Variants in TRPC5 observed in about 807,000 individuals in gnomAD.
The protein encoded by TRPC5 is transient receptor potential cation channel subfamily C member 5.
A neutral mutation model predicts 56.5 loss-of-function variants in TRPC5; 9 were observed. The ratio of observed to expected loss-of-function variants is 0.16; its 90% CI spans 0.10 to 0.28. The LOEUF is 0.28. Among genes scored for constraint, TRPC5 ranks in the 10% least tolerant of loss-of-function variants. TRPC5 has a pLI of 1.00. For missense variants in TRPC5, 469 were observed against 748.9 expected, an observed-to-expected ratio of 0.63 and a Z score of 4.36; for synonymous variants, 282 against 278.5, an observed-to-expected ratio of 1.01 and a Z score of -0.13.
At chrX:112,022,701 G>A (rs767235895) in intron 1 of TRPC5, among the ~76,000 whole-genome samples, 6 of 111,991 alleles carry the variant, frequency 5.4e-5, no homozygotes, top group East Asian at 5.6e-4. Flanking sequence ...AAGAAAATTC[G>A]ACTGGTAATG....
intron 1 of TRPC5, among the ~76,000 whole-genome samples, chrX:111,971,243 C>G (rs1927777076): frequency 9.0e-6 from 1 of 111,672 alleles, no homozygotes; most frequent in African/African-American, 3.3e-5. Flanking sequence ...GGGTTAGATA[C>G]AGCACCAAAG....
intron 1 of TRPC5, among the ~76,000 whole-genome samples, chrX:112,053,457 T>A (rs771884237): frequency 1.8e-5 from 2 of 111,994 alleles, no homozygotes; most frequent in African/African-American, 3.3e-5. Flanking sequence ...ACTTGGTCTG[T>A]AGTTAGTGTT....
intron 1 of TRPC5, among the ~76,000 whole-genome samples, chrX:111,989,553 T>C (rs1459802099): frequency 8.9e-6 from 1 of 112,086 alleles, no homozygotes. Context: ...GCCTAACTCA[T>C]TCAAGATAAC....
chrX:111,985,414 T>G (rs1017022025), intron 1 of TRPC5, among the ~76,000 whole-genome samples: 1 of 112,219 alleles, frequency 8.9e-6, no homozygotes, highest in African/African-American at 3.2e-5. Context: ...TTATTTTCAC[T>G]TCAGAGCCAG....
In TRPC5 at chrX:111,844,286, T is replaced by G. The variant is rs150179083; in HGVS notation, c.1700+2828A>C. Among the ~76,000 whole-genome samples the G allele has an allele frequency of 3.0e-3, 330 of 110,547 alleles. 1 individual carries two copies. Among genetic ancestry groups the G allele is most frequent in the African/African-American group, 0.011 (323 of 30,353 alleles). On this transcript the variant is annotated intron_variant, in intron 6 of 10. Transcript: ENST00000262839. ...AAGTCCTTTGTCTTCAGAATGATAATGTCTTTCTAATTGCTTCTCTTGACA... is the reference window on the plus strand; with the variant it reads ...AAGTCCTTTGTCTTCAGAATGATAAGGTCTTTCTAATTGCTTCTCTTGACA...
intron 6 of TRPC5, among the ~76,000 whole-genome samples, chrX:111,844,416 T>C (rs1417723588): frequency 9.0e-6 from 1 of 110,720 alleles, no homozygotes; most frequent in Non-Finnish European, 1.9e-5. Context: ...TTAAATTGTA[T>C]GCCTGAGGAG....
At chrX:111,783,559 C>T (rs1945937201) in intron 7 of TRPC5, among the ~76,000 whole-genome samples, 1 of 110,593 alleles carries the variant, frequency 9.0e-6, no homozygotes. Context: ...TATTTACCAT[C>T]TATATATCTT....
chrX:111,906,784 T>C (rs920759372), intron 3 of TRPC5, among the ~76,000 whole-genome samples: 4 of 111,504 alleles, frequency 3.6e-5, no homozygotes, highest in African/African-American at 9.8e-5. Flanking sequence ...TATTTCTTCA[T>C]TTTTTTCCCC....
At chrX:111,834,828 C>T (rs1285626801) in intron 7 of TRPC5, 93 bp downstream of exon 7, 17 of 649,502 alleles carry the variant, frequency 2.6e-5, no homozygotes, top group Admixed American at 2.2e-4. Flanking sequence ...TTGAGGCAGA[C>T]GAACTCTTTC....
chrX:111,791,805 G>A (rs1273284081), intron 7 of TRPC5, among the ~76,000 whole-genome samples: 1 of 112,198 alleles, frequency 8.9e-6, no homozygotes, highest in Non-Finnish European at 1.9e-5. Flanking sequence ...CAGCTTGGAA[G>A]TGATACCCTG....
At chrX:111,926,601 G>A (rs772283183) in intron 2 of TRPC5, among the ~76,000 whole-genome samples, 2 of 111,622 alleles carry the variant, frequency 1.8e-5, no homozygotes, top group Non-Finnish European at 1.9e-5. Context: ...TCTTAGCAAC[G>A]AGCAGTGATT....
intron 3 of TRPC5, among the ~76,000 whole-genome samples, chrX:111,857,000 T>C (rs1923257362): frequency 9.0e-6 from 1 of 111,106 alleles, no homozygotes; most frequent in African/African-American, 3.3e-5. Flanking sequence ...CTCTAAAGAA[T>C]GGAGATAATA....
intron 9 of TRPC5, among the ~76,000 whole-genome samples, chrX:111,780,945 C>A (rs1199192395): frequency 1.8e-5 from 2 of 111,236 alleles, no homozygotes; most frequent in Admixed American, 9.6e-5. Flanking sequence ...ATAGTTGTTG[C>A]TGATCAAGCC....
At chrX:112,014,340 T>C (rs1286587370) in intron 1 of TRPC5, among the ~76,000 whole-genome samples, 1 of 112,721 alleles carries the variant, frequency 8.9e-6, no homozygotes, top group African/African-American at 3.2e-5. Flanking sequence ...TCTGACATTA[T>C]GCCTTTTCAT....
intron 1 of TRPC5, among the ~76,000 whole-genome samples, chrX:112,021,549 C>T (rs1929272044): frequency 8.9e-6 from 1 of 112,137 alleles, no homozygotes; most frequent in Non-Finnish European, 1.9e-5. Flanking sequence ...TTTACCAATA[C>T]CAAATGGAAT....
At chrX:111,806,119 A>G (rs1921502173) in intron 7 of TRPC5, among the ~76,000 whole-genome samples, 1 of 112,290 alleles carries the variant, frequency 8.9e-6, no homozygotes, top group African/African-American at 3.2e-5. Flanking sequence ...TTTACTTAAT[A>G]TGTTGGGTTA....
chrX:112,055,185 G>A (rs1187836183), intron 1 of TRPC5, among the ~76,000 whole-genome samples: 1 of 112,173 alleles, frequency 8.9e-6, no homozygotes, highest in Non-Finnish European at 1.9e-5. Flanking sequence ...AATTTTTCAT[G>A]CAAGTAAATC....
chrX:111,771,033 G>A lies in TRPC5; in HGVS notation c.*5280C>T, dbSNP rs1326968442. Among the ~76,000 whole-genome samples the A allele has an allele frequency of 2.7e-5, 3 of 111,817 alleles. No homozygotes were observed. The highest frequency in any genetic ancestry group is 5.6e-5 in the Non-Finnish European group (3 of 53,156). On this transcript the variant is annotated 3_prime_UTR_variant, in exon 11 of 11. Coordinates refer to ENST00000262839, the MANE Select transcript of TRPC5 (RefSeq NM_012471.3). ...GAAAAATGGTGAAAATGACCTTCACGTTGCAAGTCATTCTAACCTACTTCA... is the reference window on the plus strand; with the variant it reads ...GAAAAATGGTGAAAATGACCTTCACATTGCAAGTCATTCTAACCTACTTCA...
chrX:111,779,051 T>C lies in TRPC5; in HGVS notation c.2166A>G (p.Lys722=), dbSNP rs756136570. ...TTCTTATCATAGCAGCCACATATCT[T>C]TTGACTAAATTCCTGATAACTTCCT... The part of the protein sequence containing the change: ...HYQEVIRNLV[K]RYVAAMIRNS... Residue 722 remains lysine, a synonymous_variant, in exon 10 of 11, where the codon AAA becomes AAG. Coordinates refer to ENST00000262839, the MANE Select transcript of TRPC5 (RefSeq NM_012471.3). 4.2e-6 allele frequency: 5 copies of C among 1,201,744 alleles called. No individual in the cohort carries two copies. The highest frequency in any genetic ancestry group is 5.6e-6 in the Non-Finnish European group (5 of 889,922).
Sources: allele counts gnomAD v4.1 joint callset (sites outside exome capture counted in the v4.1 genomes callset), GRCh38; gene constraint gnomAD v4.1.1; transcripts MANE v1.5; gene names NCBI Gene and HGNC (gene_info 2026-07-23, HGNC 2026-07-21).